The following HSD17B4 variants were observed in gnomAD, a reference collection of about 807,000 sequenced individuals.
The protein encoded by HSD17B4 is peroxisomal multifunctional enzyme type 2.
Under a neutral mutation model 101.0 loss-of-function variants are expected in HSD17B4, and 70 were observed. The observed-to-expected ratio is 0.69, with a 90% CI of 0.57 to 0.85. The LOEUF (loss-of-function observed/expected upper bound fraction) is 0.85. HSD17B4 is among the 40% of genes least tolerant of loss of function. The pLI, the probability that HSD17B4 is intolerant of heterozygous loss-of-function variation, is 0.00. For missense variants in HSD17B4, 984 were observed against 892.4 expected (o/e 1.10, Z -1.31); for synonymous variants, 347 against 297.1 (o/e 1.17, Z -1.73).
intron 21 of HSD17B4, among the ~76,000 whole-genome samples, chr5:119,530,336 T>A (rs1329321318): frequency 1.3e-5 from 2 of 152,144 alleles, no homozygotes; most frequent in Non-Finnish European, 2.9e-5. Flanking sequence ...TAAAGGTTTA[T>A]ATAAAGTTTT....
chr5:119,474,171 A>G (rs1283003136), intron 3 of HSD17B4, among the ~76,000 whole-genome samples, 156 bp downstream of exon 3: 2 of 152,192 alleles, frequency 1.3e-5, no homozygotes, highest in African/African-American at 4.8e-5. Context: ...ATATGTGAGA[A>G]TTGTTAAAAC....
At chr5:119,473,228 C>T (rs1358151775) in intron 2 of HSD17B4, among the ~76,000 whole-genome samples, 1 of 127,376 alleles carries the variant, frequency 7.9e-6, no homozygotes, top group African/African-American at 2.9e-5. Flanking sequence ...AATCTTAAAG[C>T]GATTTTCACA....
At chr5:119,457,198 G>T (rs1352859033) in intron 2 of HSD17B4, among the ~76,000 whole-genome samples, 7 of 152,142 alleles carry the variant, frequency 4.6e-5, no homozygotes, top group Non-Finnish European at 8.8e-5. Flanking sequence ...TAACTAAATG[G>T]GTGCTAAGTG....
At chr5:119,507,054 G>A (rs1462217596) in intron 15 of HSD17B4, among the ~76,000 whole-genome samples, 165 bp downstream of exon 15, 2 of 152,124 alleles carry the variant, frequency 1.3e-5, no homozygotes, top group Admixed American at 6.5e-5. Context: ...AAAGAAGGAG[G>A]GGGAGAAGCA....
At chr5:119,526,207 T>G (rs1379009089) in intron 19 of HSD17B4, among the ~76,000 whole-genome samples, 184 bp downstream of exon 19, 1 of 151,886 alleles carries the variant, frequency 6.6e-6, no homozygotes, top group African/African-American at 2.4e-5. Flanking sequence ...CTGTTGCACA[T>G]GCACCAGGAA....
intron 6 of HSD17B4, 66 bp downstream of exon 6, chr5:119,475,936 A>C (rs1748541894): frequency 8.2e-7 from 1 of 1,215,358 alleles, no homozygotes; most frequent in East Asian, 2.3e-5. Flanking sequence ...GTATTTGATA[A>C]ATTTATACAT....
intron 17 of HSD17B4, among the ~76,000 whole-genome samples, chr5:119,523,577 G>T (rs1327027619): frequency 6.6e-6 from 1 of 151,916 alleles, no homozygotes; most frequent in Non-Finnish European, 1.5e-5. Flanking sequence ...GTTATCTATA[G>T]AAAGCAATGC....
intron 8 of HSD17B4, among the ~76,000 whole-genome samples, chr5:119,488,037 T>C (rs1271603017): frequency 6.6e-6 from 1 of 152,180 alleles, no homozygotes; most frequent in Non-Finnish European, 1.5e-5. Flanking sequence ...TCTTTTTTAC[T>C]TTAACACATT....
intron 17 of HSD17B4, among the ~76,000 whole-genome samples, chr5:119,517,503 G>C (rs1245815303): frequency 1.3e-5 from 2 of 152,248 alleles, no homozygotes; most frequent in South Asian, 4.1e-4. Flanking sequence ...GTACCGCGCG[G>C]GACTGGCAGG....
intron 8 of HSD17B4, among the ~76,000 whole-genome samples, chr5:119,483,062 A>G (rs1364855705): frequency 7.9e-5 from 12 of 152,172 alleles, no homozygotes; most frequent in Admixed American, 1.3e-4. Flanking sequence ...GCATATTTCA[A>G]AATGGTTTCT....
At chr5:119,480,624 T>C (rs1313868669) in intron 8 of HSD17B4, among the ~76,000 whole-genome samples, 6 of 152,148 alleles carry the variant, frequency 3.9e-5, no homozygotes, top group African/African-American at 1.4e-4. Context: ...TAATGAAGTT[T>C]TGGGCACCAT....
intron 14 of HSD17B4, among the ~76,000 whole-genome samples, chr5:119,503,376 T>TA (rs1020992332): frequency 6.6e-5 from 10 of 152,290 alleles, no homozygotes; most frequent in African/African-American, 2.4e-4. Context: ...CATTTTTTTT[T>TA]ACCTCCTTAG....
At chr5:119,468,769 C>T (rs1055064489) in intron 2 of HSD17B4, among the ~76,000 whole-genome samples, 4 of 151,686 alleles carry the variant, frequency 2.6e-5, no homozygotes, top group African/African-American at 7.2e-5. Context: ...CCCATTACTA[C>T]CATAGGCTTT....
intron 2 of HSD17B4, among the ~76,000 whole-genome samples, chr5:119,470,882 G>A (rs991571582): frequency 1.3e-5 from 2 of 152,204 alleles, no homozygotes; most frequent in African/African-American, 4.8e-5. Flanking sequence ...GGATTGCTGA[G>A]TGGGTCAGTG....
At chr5:119,523,014 C>T (rs1420152441) in intron 17 of HSD17B4, among the ~76,000 whole-genome samples, 1 of 150,542 alleles carries the variant, frequency 6.6e-6, no homozygotes, top group Non-Finnish European at 1.5e-5. Flanking sequence ...CAAAAGTTAG[C>T]ACTGATAGAA....
chr5:119,510,290 A>G (rs1752053483), intron 16 of HSD17B4, among the ~76,000 whole-genome samples: 1 of 152,196 alleles, frequency 6.6e-6, no homozygotes, highest in African/African-American at 2.4e-5. Flanking sequence ...AACACAAGTG[A>G]TCCTTGTATA....
At chr5:119,511,433 C>T (rs1345707844) in intron 16 of HSD17B4, among the ~76,000 whole-genome samples, 2 of 152,114 alleles carry the variant, frequency 1.3e-5, no homozygotes, top group Non-Finnish European at 2.9e-5. Flanking sequence ...CAAAGTCTGG[C>T]CTCAACGACT....
At chr5:119,494,008 C>T in intron 11 of HSD17B4, 62 bp downstream of exon 11, 3 of 1,558,218 alleles carry the variant, frequency 1.9e-6, no homozygotes, top group East Asian at 2.2e-5. Context: ...GCATTTTCTT[C>T]TCTTATGTAG....
At chr5:119,458,463 T>C (rs1353845613) in intron 2 of HSD17B4, among the ~76,000 whole-genome samples, 4 of 151,378 alleles carry the variant, frequency 2.6e-5, no homozygotes, top group African/African-American at 9.7e-5. Flanking sequence ...TGCCTTAGCC[T>C]CCCAAGTAGC....
Sources: gnomAD v4.1 joint callset for allele counts (sites outside exome capture counted in the v4.1 genomes callset) on GRCh38, gnomAD v4.1.1 for gene constraint, MANE v1.5 for transcripts, NCBI Gene and HGNC (gene_info 2026-07-23, HGNC 2026-07-21) for gene names.